The following FHL2 variants were observed in gnomAD, a reference collection of about 807,000 sequenced individuals.
The protein encoded by FHL2 is four and a half LIM domains protein 2.
A neutral mutation model predicts 32.7 loss-of-function variants in FHL2; 20 were observed. The observed-to-expected ratio is 0.61, with a 90% confidence interval of 0.43 to 0.89. FHL2 has a LOEUF of 0.89. FHL2 is among the 40% of genes least tolerant of loss of function. The pLI is 0.00. For missense variants in FHL2, 311 were observed against 358.6 expected (o/e 0.87, Z 1.07); for synonymous variants, 123 against 128.1 (o/e 0.96, Z 0.27).
chr2:105,410,729 G>C (rs1398434673), intron 1 of FHL2, among the ~76,000 whole-genome samples: 25 of 152,170 alleles, frequency 1.6e-4, no homozygotes, highest in Admixed American at 1.6e-3. Flanking sequence ...GTATCAGCTT[G>C]TGTTTCTCTT....
At chr2:105,362,630 T>G (rs1680353259) in intron 6 of FHL2, among the ~76,000 whole-genome samples, 1 of 152,156 alleles carries the variant, frequency 6.6e-6, no homozygotes, top group Non-Finnish European at 1.5e-5. Flanking sequence ...CACTTTTCTC[T>G]CCCCACCCAG....
At chr2:105,377,926 T>C (rs1573319057) in intron 3 of FHL2, 1 of 401,886 alleles carries the variant, frequency 2.5e-6, no homozygotes, top group Admixed American at 3.0e-5. Context: ...CCCAGAGGGG[T>C]GGCAAGTTAT....
At chr2:105,370,208 A>AC (rs201590553) in intron 4 of FHL2, among the ~76,000 whole-genome samples, 14 of 150,614 alleles carry the variant, frequency 9.3e-5, no homozygotes, top group Non-Finnish European at 1.8e-4. Context: ...CCCTGTCTCT[A>AC]CCCCCCCAAA....
At chr2:105,398,759 C>T in intron 1 of FHL2, 83 bp downstream of exon 1, 1 of 1,197,582 alleles carries the variant, frequency 8.4e-7, no homozygotes. Flanking sequence ...CAGCTCAACT[C>T]CTTTCTCCCG....
At chr2:105,428,274 G>A (rs1684322766) in intron 1 of FHL2, among the ~76,000 whole-genome samples, 1 of 152,198 alleles carries the variant, frequency 6.6e-6, no homozygotes, top group Non-Finnish European at 1.5e-5. Flanking sequence ...CCATAGGTGA[G>A]GTCTGGACAT....
At chr2:105,424,378 C>T (rs563737160) in intron 1 of FHL2, among the ~76,000 whole-genome samples, 1 of 152,288 alleles carries the variant, frequency 6.6e-6, no homozygotes, top group East Asian at 1.9e-4. Context: ...CAGGAAACAA[C>T]AGATGCTGGA....
rs150052995 is a variant in FHL2, at chr2:105,434,500, G to A, written c.-25+3899C>T. On this transcript the variant is annotated intron_variant, in intron 1 of 5. Coordinates refer to the FHL2 transcript ENST00000393352. Reference sequence around the variant, plus strand: ...CTAGAATCACTTGAACCTGGGAGACGGAGGTTGCAGTGAGCTGAGATCTTG... The same window carrying A: ...CTAGAATCACTTGAACCTGGGAGACAGAGGTTGCAGTGAGCTGAGATCTTG... Among the ~76,000 whole-genome samples, 50 of 152,182 alleles carry A rather than the reference G, an allele frequency of 3.3e-4. 2 individuals carry two copies. In the East Asian group the frequency reaches 7.7e-3, roughly 23 times the overall value.
chr2:105,400,539 G>A (rs988378683), upstream of FHL2, among the ~76,000 whole-genome samples: 2 of 152,136 alleles, frequency 1.3e-5, no homozygotes, highest in African/African-American at 4.8e-5. Flanking sequence ...ACCTAGATGT[G>A]TTGTTGATAT....
At chr2:105,431,608 G>A (rs1484051926) in intron 1 of FHL2, among the ~76,000 whole-genome samples, 1 of 152,204 alleles carries the variant, frequency 6.6e-6, no homozygotes, top group Non-Finnish European at 1.5e-5. Flanking sequence ...GAAGAGATGA[G>A]GTCAGATTCC....
chr2:105,386,569 C>T (rs576801411), intron 2 of FHL2, 29 bp from the exon 3 acceptor site: 48 of 1,607,868 alleles, frequency 3.0e-5, no homozygotes, highest in Non-Finnish European at 4.0e-5. Flanking sequence ...AATCCAAGTC[C>T]CATTAAGCAC....
intron 1 of FHL2, among the ~76,000 whole-genome samples, chr2:105,430,792 C>T (rs773114475): frequency 5.3e-5 from 8 of 152,208 alleles, no homozygotes; most frequent in Admixed American, 2.6e-4. Flanking sequence ...CACAGAGGTC[C>T]TGCCCTGTGT....
chr2:105,398,895 C>T lies in FHL2; in HGVS notation c.-129G>A. Reference sequence around the variant, plus strand: ...CTCTCCTTGGGTCTCGCACCGGATTCGGCCCCCACTTCCGAGCCCTGGTGG... The same window carrying T: ...CTCTCCTTGGGTCTCGCACCGGATTTGGCCCCCACTTCCGAGCCCTGGTGG... On this transcript the variant is annotated 5_prime_UTR_variant, in exon 1 of 7. Coordinates refer to ENST00000530340, the MANE Select transcript of FHL2 (RefSeq NM_001318895.3). 9 of 1,528,582 alleles carry T rather than the reference C, an allele frequency of 5.9e-6. No homozygotes were observed. The highest frequency in any genetic ancestry group is 1.4e-5 in the African/African-American group (1 of 69,956). 94.7% of individuals were successfully genotyped at this position (1,528,582 alleles called of 1,614,324 possible). A position where few individuals can be genotyped will look rare whatever the true frequency, so the allele number is the denominator to read the frequency against.
intron 3 of FHL2, chr2:105,374,008 AT>A: frequency 2.1e-6 from 1 of 474,580 alleles, no homozygotes; most frequent in Middle Eastern, 5.9e-4. Context: ...AAACAAAGGG[AT>A]TTCCCTTATG....
intron 5 of FHL2, 143 bp from the exon 6 acceptor site, chr2:105,363,614 C>T: frequency 9.3e-6 from 7 of 749,518 alleles, no homozygotes; most frequent in Non-Finnish European, 1.5e-5. Context: ...TTACAAACTT[C>T]ACAGTCACTC....
chr2:105,366,822 T>A (rs1456615360), intron 5 of FHL2, among the ~76,000 whole-genome samples: 1 of 152,236 alleles, frequency 6.6e-6, no homozygotes, highest in East Asian at 1.9e-4. Flanking sequence ...CTTGGCTCAC[T>A]GCAACCTCCA....
At chr2:105,393,522 A>G (rs965271203) in intron 2 of FHL2, among the ~76,000 whole-genome samples, 1 of 152,162 alleles carries the variant, frequency 6.6e-6, no homozygotes. Context: ...TTTTCATGCA[A>G]TTGCCCCGTC....
intron 5 of FHL2, among the ~76,000 whole-genome samples, chr2:105,366,723 A>G (rs1310746469): frequency 6.6e-6 from 1 of 152,190 alleles, no homozygotes; most frequent in Non-Finnish European, 1.5e-5. Flanking sequence ...ATAGCACATT[A>G]TCGAGTAGAT....
At position 105,436,734 on chromosome 2, in the gene FHL2, CAATT is replaced by C. The variant is rs943910099; in HGVS notation, c.-25+1661_-25+1664del. Among the ~76,000 whole-genome samples the C allele has an allele frequency of 2.8e-4, 43 of 151,988 alleles. 2 individuals are homozygous for C. Among genetic ancestry groups the C allele is most frequent in the East Asian group, 7.7e-4 (4 of 5,170 alleles). On this transcript the variant is annotated intron_variant, in intron 1 of 5. Coordinates refer to the FHL2 transcript ENST00000393352. Reference sequence around the variant, plus strand: ...AGAATGAATAAATAATTAAGATAAACAATTAACTGCAAAAATAGTTATCTTTGAG... The same window carrying C: ...AGAATGAATAAATAATTAAGATAAACAACTGCAAAAATAGTTATCTTTGAG...
At chr2:105,386,051 C>G (rs1682285681) in intron 3 of FHL2, 1 of 433,256 alleles carries the variant, frequency 2.3e-6, no homozygotes, top group African/African-American at 2.0e-5. Flanking sequence ...GAGCACCACC[C>G]TTAAGAAAGT....
Sources: allele counts gnomAD v4.1 joint callset (sites outside exome capture counted in the v4.1 genomes callset), GRCh38; gene constraint gnomAD v4.1.1; transcripts MANE v1.5; gene names NCBI Gene and HGNC (gene_info 2026-07-23, HGNC 2026-07-21).